TAMM41: variants seen among roughly 807,000 people sequenced by gnomAD.
TAMM41 encodes phosphatidate cytidylyltransferase, mitochondrial.
TAMM41 carries 36 observed loss-of-function variants against 44.1 expected under a neutral mutation model. The observed-to-expected ratio is 0.82, with a 90% confidence interval of 0.63 to 1.08. TAMM41 has a LOEUF of 1.08. Among genes scored for constraint, TAMM41 ranks in the 50% least tolerant of loss-of-function variants. The pLI is 0.00. For missense variants in TAMM41, 417 were observed against 404.3 expected, an observed-to-expected ratio of 1.03 and a Z score of -0.27; for synonymous variants, 164 against 153.1, an observed-to-expected ratio of 1.07 and a Z score of -0.53.
chr3:11,836,626 G>T, intron 3 of TAMM41, among the ~76,000 whole-genome samples: 1 of 152,120 alleles, frequency 6.6e-6, no homozygotes, highest in East Asian at 1.9e-4. Context: ...ACCACGCCTG[G>T]CTAATTTTTG....
chr3:11,738,675 A>G, the TAMM41 span, among the ~76,000 whole-genome samples: 1 of 152,156 alleles, frequency 6.6e-6, no homozygotes, highest in Non-Finnish European at 1.5e-5. Context: ...ATCCTCCCCA[A>G]AAAATGAATC....
At position 11,807,779 on chromosome 3, in the gene TAMM41, G is replaced by A. The variant is rs935618395; in HGVS notation, c.937+54C>T. Reference sequence around the variant, plus strand: ...AAAGCTTTACACTGTAACCAAGAGTGTGGAAGCCACTCAGTCAGCAGGTAT... The same window carrying A: ...AAAGCTTTACACTGTAACCAAGAGTATGGAAGCCACTCAGTCAGCAGGTAT... On this transcript the variant is annotated intron_variant, in intron 7 of 7. Transcript: ENST00000455809. 1.5e-5 allele frequency: 23 copies of A among 1,536,056 alleles called. No individual in the cohort carries two copies. The East Asian group carries it at 5.1e-4, about 34-fold the overall frequency.
At chr3:11,726,994 AT>A in the TAMM41 span, among the ~76,000 whole-genome samples, 1 of 152,070 alleles carries the variant, frequency 6.6e-6, no homozygotes, top group Non-Finnish European at 1.5e-5. Flanking sequence ...AAATGATCTT[AT>A]TTCAGGGAGA....
rs566651844 is a variant in TAMM41 at position 11,811,865 on chromosome 3, T to C, written c.709-2183A>G. On this transcript the variant is annotated intron_variant, in intron 5 of 7. Coordinates refer to ENST00000455809, the MANE Select transcript of TAMM41 (RefSeq NM_001284401.2). ...CATTGTGGTGATGGCTGTGCAGCTC[T>C]GTGACTATACTATAAACACTAGCTT... Among the ~76,000 whole-genome samples the C allele has an allele frequency of 3.9e-5, 6 of 152,318 alleles. No homozygotes were observed. In the South Asian group the frequency reaches 1.0e-3, roughly 26 times the overall value.
At chr3:11,845,144 G>T in intron 1 of TAMM41, 1 of 357,342 alleles carries the variant, frequency 2.8e-6, no homozygotes, top group Non-Finnish European at 5.5e-6. Context: ...CAGAGAGGGA[G>T]GCTGTTTGCC....
the TAMM41 span, among the ~76,000 whole-genome samples, chr3:11,750,557 G>A: frequency 6.6e-6 from 1 of 152,166 alleles, no homozygotes; most frequent in Non-Finnish European, 1.5e-5. Flanking sequence ...CAATTCTCCT[G>A]CCTCAGCCTC....
the TAMM41 span, among the ~76,000 whole-genome samples, chr3:11,725,304 CCTTTTTTTCTTCTCCTCCTCCTCCTT>C: frequency 2.0e-5 from 2 of 99,200 alleles, no homozygotes; most frequent in East Asian, 6.5e-4. Flanking sequence ...TTCTCCTCCT[CCTTTTTTTCTTCTCCTCCTCCTCCTT>C]TTTTTCTTCT....
intron 4 of TAMM41, among the ~76,000 whole-genome samples, chr3:11,827,204 C>G (rs1248674132): frequency 6.6e-6 from 1 of 152,154 alleles, no homozygotes; most frequent in Non-Finnish European, 1.5e-5. Context: ...TAACAAAGTT[C>G]AAGGTGACTC....
chr3:11,728,854 CA>C, the TAMM41 span, among the ~76,000 whole-genome samples: 1 of 152,034 alleles, frequency 6.6e-6, no homozygotes, highest in Admixed American at 6.6e-5. Context: ...ACTAAAAATA[CA>C]AAAATAGCCA....
the TAMM41 span, among the ~76,000 whole-genome samples, chr3:11,727,609 C>A: frequency 6.6e-6 from 1 of 152,142 alleles, no homozygotes; most frequent in Non-Finnish European, 1.5e-5. Context: ...AGACTACAAG[C>A]ATGTGCCACC....
the TAMM41 span, among the ~76,000 whole-genome samples, chr3:11,764,486 CTTTTTTT>C: frequency 2.4e-3 from 163 of 68,136 alleles, 5 homozygotes; most frequent in African/African-American, 9.7e-3. Context: ...TAATCTTATT[CTTTTTTT>C]TTTTTTTTTT....
intron 5 of TAMM41, 191 bp from the exon 6 acceptor site, chr3:11,809,873 A>C: frequency 3.9e-6 from 2 of 509,322 alleles, no homozygotes; most frequent in Non-Finnish European, 6.7e-6. Context: ...AAGTCCCTTC[A>C]AAAAGGACAA....
At chr3:11,751,239 G>A in the TAMM41 span, among the ~76,000 whole-genome samples, 8 of 151,942 alleles carry the variant, frequency 5.3e-5, no homozygotes, top group Non-Finnish European at 1.0e-4. Context: ...TTACAGGCAT[G>A]TGCCACCACA....
the TAMM41 span, among the ~76,000 whole-genome samples, chr3:11,733,797 G>A: frequency 6.6e-6 from 1 of 151,992 alleles, no homozygotes; most frequent in Non-Finnish European, 1.5e-5. Flanking sequence ...GCCCGGCCAG[G>A]GGGGTCCTGA....
intron 7 of TAMM41, among the ~76,000 whole-genome samples, chr3:11,801,905 A>G (rs1347533632): frequency 6.6e-6 from 1 of 152,188 alleles, no homozygotes; most frequent in African/African-American, 2.4e-5. Context: ...GAGACCAAAA[A>G]ACAATACAAA....
chr3:11,723,920 C>G, the TAMM41 span, among the ~76,000 whole-genome samples: 3 of 151,384 alleles, frequency 2.0e-5, no homozygotes, highest in African/African-American at 4.9e-5. Context: ...AGCAAAGACA[C>G]AAGATTGGCC....
chr3:11,758,237 C>T, the TAMM41 span, among the ~76,000 whole-genome samples: 1 of 152,130 alleles, frequency 6.6e-6, no homozygotes, highest in Non-Finnish European at 1.5e-5. Context: ...TGCTGGAGGC[C>T]GAAGTGAGCT....
chr3:11,723,225 C>A, the TAMM41 span, among the ~76,000 whole-genome samples: 1 of 151,968 alleles, frequency 6.6e-6, no homozygotes, highest in Non-Finnish European at 1.5e-5. Flanking sequence ...TGGGAGAAAA[C>A]CATTTGGTTA....
intron 4 of TAMM41, among the ~76,000 whole-genome samples, chr3:11,820,649 T>C (rs1375305895): frequency 6.6e-6 from 1 of 152,182 alleles, no homozygotes; most frequent in East Asian, 1.9e-4. Context: ...TTATGACTCA[T>C]TTCTTCAGAA....
Sources: gnomAD v4.1 joint callset for allele counts (sites outside exome capture counted in the v4.1 genomes callset) on GRCh38, gnomAD v4.1.1 for gene constraint, MANE v1.5 for transcripts, NCBI Gene and HGNC (gene_info 2026-07-23, HGNC 2026-07-21) for gene names.